ANKFY1: variants seen among roughly 807,000 people sequenced by gnomAD.
The protein encoded by ANKFY1 is ankyrin repeat and FYVE domain containing 1, also known as ankyrin repeat and FYVE domain-containing protein 1.
ANKFY1 carries 47 observed loss-of-function variants against 128.3 expected under a neutral mutation model. The ratio of observed to expected loss-of-function variants is 0.37; its 90% CI spans 0.29 to 0.47. The LOEUF (loss-of-function observed/expected upper bound fraction) is 0.47, where lower values mean the gene tolerates loss of function less well. Among genes scored for constraint, ANKFY1 ranks in the 20% least tolerant of loss-of-function variants. The pLI is 1.00. For synonymous variants in ANKFY1, 553 were observed against 601.6 expected (o/e 0.92, Z 1.18); for missense variants, 1,222 against 1,510.6 (o/e 0.81, Z 3.17).
At chr17:4,208,949 C>G (rs1007267954) in intron 5 of ANKFY1, among the ~76,000 whole-genome samples, 5 of 152,066 alleles carry the variant, frequency 3.3e-5, no homozygotes, top group African/African-American at 1.2e-4. Context: ...ATCCCAGCTA[C>G]TCAGGAGGCC....
At chr17:4,238,351 T>TA in intron 2 of ANKFY1, among the ~76,000 whole-genome samples, 1 of 152,278 alleles carries the variant, frequency 6.6e-6, no homozygotes, top group Admixed American at 6.5e-5. Flanking sequence ...CTTTAGAAAC[T>TA]GATTCCTCAG....
intron 3 of ANKFY1, chr17:4,223,593 G>T: frequency 7.7e-7 from 1 of 1,298,018 alleles, no homozygotes; most frequent in Non-Finnish European, 1.1e-6. Context: ...GGGGCCTTTG[G>T]AGTGATGCTG....
rs528652044 is a variant in ANKFY1, at chr17:4,207,475, A to T, written c.732+458T>A. 1.5e-4 allele frequency among the ~76,000 whole-genome samples: 23 copies of T among 152,304 alleles called. No homozygotes were observed. The South Asian group carries it at 4.6e-3, about 30-fold the overall frequency. On this transcript the variant is annotated intron_variant, in intron 6 of 24. Coordinates refer to ENST00000341657, the MANE Select transcript of ANKFY1 (RefSeq NM_001330063.2). ...AATTCTGCCAAAGATCCAAATAAGC[A>T]GGAAATGGATTCTCCTCTTGAGTCT...
intron 4 of ANKFY1, among the ~76,000 whole-genome samples, chr17:4,213,116 G>A (rs528517647): frequency 3.9e-5 from 6 of 152,282 alleles, no homozygotes; most frequent in Non-Finnish European, 8.8e-5. Context: ...GAGGCTAGGA[G>A]CAAGAATAAA....
chr17:4,186,683 C>G, intron 11 of ANKFY1: 1 of 403,498 alleles, frequency 2.5e-6, no homozygotes. Flanking sequence ...CAAGTATGTC[C>G]TCTTCCTCCT....
intron 16 of ANKFY1, chr17:4,180,151 G>A (rs1419439039): frequency 2.2e-5 from 9 of 413,112 alleles, no homozygotes; most frequent in Non-Finnish European, 3.5e-5. Flanking sequence ...GAACCAGCCG[G>A]ATGCGGTGGC....
intron 3 of ANKFY1, among the ~76,000 whole-genome samples, chr17:4,230,852 G>A (rs756967461): frequency 2.0e-5 from 3 of 152,118 alleles, no homozygotes; most frequent in Admixed American, 2.0e-4. Context: ...ATCCCCATAT[G>A]CCCTTTACTC....
chr17:4,178,615 G>A lies in ANKFY1; in HGVS notation c.2598+242C>T, dbSNP rs1271578538. 3.6e-6 allele frequency: 2 copies of A among 561,632 alleles called. No individual in the cohort carries two copies. Among genetic ancestry groups the A allele is most frequent in the Admixed American group, 6.1e-5 (2 of 32,806 alleles). 34.8% of individuals were successfully genotyped at this position (561,632 alleles called of 1,614,324 possible). ...GTACATGCCACAGAATTCCTACGAT[G>A]GAGCCCACTGCCTCCGCTTCCATCG... On this transcript the variant is annotated intron_variant, in intron 18 of 24. Coordinates refer to ENST00000341657, the MANE Select transcript of ANKFY1 (RefSeq NM_001330063.2). This position sits in a 1 kb window ranked among gnomAD's most constrained non-coding sequence, Gnocchi z 4.1.
rs752983616 is a variant in ANKFY1 at position 4,174,033 on chromosome 17, G to A, written c.2799C>T (p.Asn933=). The A allele has an allele frequency of 1.3e-5, 21 of 1,614,110 alleles. No individual in the cohort carries two copies. The highest frequency in any genetic ancestry group is 1.7e-4 in the Middle Eastern group (1 of 6,054). ...RNLLLAGAKV[N]ELTKHRQTAL... ...CAGTCTGGCGATGCTTGGTTAATTC[G>A]TTCACTTTGGCTCCCGCAAGAAGCT... The change falls in exon 20 of 25, where the codon AAC becomes AAT. Residue 933 remains asparagine, a synonymous_variant. Transcript: ENST00000341657.
intron 7 of ANKFY1, among the ~76,000 whole-genome samples, chr17:4,202,327 G>C (rs575749832): frequency 6.6e-6 from 1 of 151,478 alleles, no homozygotes; most frequent in East Asian, 1.9e-4. Flanking sequence ...CTTGAACCCG[G>C]GAGGCGGAGG....
At chr17:4,220,223 GCTGT>G (rs1161261441) in intron 3 of ANKFY1, among the ~76,000 whole-genome samples, 2 of 152,192 alleles carry the variant, frequency 1.3e-5, no homozygotes, top group Middle Eastern at 3.2e-3. Flanking sequence ...CTTCAGCTAA[GCTGT>G]CTAAGATCAC....
At position 4,195,292 on chromosome 17, in the gene ANKFY1, C is replaced by A. The variant is rs28374062; in HGVS notation, c.1172+111G>T. 6.6e-3 allele frequency: 9,236 copies of A among 1,406,336 alleles called. 469 individuals carry two copies. In the African/African-American group the frequency reaches 0.11, roughly 17 times the overall value. 87.1% of individuals were successfully genotyped at this position (1,406,336 alleles called of 1,614,324 possible). On this transcript the variant is annotated intron_variant, in intron 9 of 24. Coordinates refer to ENST00000341657, the MANE Select transcript of ANKFY1 (RefSeq NM_001330063.2). ...TTCAATGACACATTTTTTTTTAGCTCACTTTAACTTCTTAATATATGCAAC... is the reference window on the plus strand; with the variant it reads ...TTCAATGACACATTTTTTTTTAGCTAACTTTAACTTCTTAATATATGCAAC...
Position 4,195,183 on chromosome 17 carries a change from A to G in ANKFY1, c.1173-6T>C, listed in dbSNP as rs1341421506. 6.3e-7 allele frequency: 1 copy of G among 1,599,690 alleles called. No homozygotes were observed. The highest frequency in any genetic ancestry group is 8.5e-7 in the Non-Finnish European group (1 of 1,170,490). On this transcript the variant is annotated splice_region_variant and splice_polypyrimidine_tract_variant and intron_variant, in intron 9 of 24. Coordinates refer to ENST00000341657, the MANE Select transcript of ANKFY1 (RefSeq NM_001330063.2). ...CTTTGAGTTCTAAATCTAGTCTGAA[A>G]AGCAGAAGCAGTGTCAACAGCACAT... is the stretch of plus-strand genomic sequence containing the variant.
At chr17:4,208,510 A>G (rs928564529) in intron 5 of ANKFY1, among the ~76,000 whole-genome samples, 4 of 152,134 alleles carry the variant, frequency 2.6e-5, no homozygotes, top group Non-Finnish European at 4.4e-5. Context: ...ATCAATTCCA[A>G]CTTCCACAAA....
rs2059241525 is a variant in ANKFY1, at chr17:4,167,996, C to G, written c.3378-85G>C. ...CACGTGAGGACAACCGCAGCAGGGC[C>G]TGGCAGCCAAGGCGCCCGCAATGCT... On this transcript the variant is annotated intron_variant, in intron 24 of 24. Coordinates refer to ENST00000341657, the MANE Select transcript of ANKFY1 (RefSeq NM_001330063.2). The surrounding 1 kb of genome is among the most constrained non-coding windows in gnomAD (Gnocchi z 4.1). The G allele has an allele frequency of 6.8e-7, 1 of 1,480,020 alleles. No individual in the cohort carries two copies. Among genetic ancestry groups the G allele is most frequent in the African/African-American group, 1.4e-5 (1 of 71,526 alleles). 91.7% of individuals were successfully genotyped at this position (1,480,020 alleles called of 1,614,324 possible).
intron 2 of ANKFY1, among the ~76,000 whole-genome samples, chr17:4,237,780 T>G (rs1448659137): frequency 6.6e-6 from 1 of 152,152 alleles, no homozygotes; most frequent in Non-Finnish European, 1.5e-5. Context: ...TCCATGAGGA[T>G]TCTATGTTGA....
At chr17:4,171,889 C>G (rs569098352) in intron 22 of ANKFY1, among the ~76,000 whole-genome samples, 3 of 152,230 alleles carry the variant, frequency 2.0e-5, no homozygotes, top group African/African-American at 7.2e-5. Context: ...AGCCACACAG[C>G]TGCGCAGAGG....
intron 17 of ANKFY1, 110 bp from the exon 18 acceptor site, chr17:4,179,167 C>T (rs772755299): frequency 1.1e-4 from 132 of 1,178,796 alleles, no homozygotes; most frequent in Middle Eastern, 2.2e-4. Flanking sequence ...TCGATCAATA[C>T]TACCACCCTG....
At chr17:4,219,910 C>T (rs1487275838) in intron 3 of ANKFY1, among the ~76,000 whole-genome samples, 3 of 152,198 alleles carry the variant, frequency 2.0e-5, no homozygotes, top group Non-Finnish European at 2.9e-5. Flanking sequence ...CAACCTCTGC[C>T]TCCCGGGTTC....
Sources: allele counts gnomAD v4.1 joint callset (sites outside exome capture counted in the v4.1 genomes callset), GRCh38; gene constraint gnomAD v4.1.1; non-coding constraint Gnocchi (gnomAD v3.1); transcripts MANE v1.5; gene names NCBI Gene and HGNC (gene_info 2026-07-23, HGNC 2026-07-21).